The following RNF138 variants were observed in gnomAD, a reference collection of about 807,000 sequenced individuals.
RNF138 encodes E3 ubiquitin-protein ligase RNF138.
In RNF138, 12 loss-of-function variants were observed where a neutral mutation model predicts 31.0. The ratio of observed to expected loss-of-function variants is 0.39; its 90% CI spans 0.25 to 0.63. The LOEUF is 0.63. RNF138 is among the 20% of genes least tolerant of loss of function. The pLI is 0.52. For synonymous variants in RNF138, 105 were observed against 99.5 expected, an observed-to-expected ratio of 1.06 and a Z score of -0.33; for missense variants, 192 against 300.1, an observed-to-expected ratio of 0.64 and a Z score of 2.66.
At chr18:32,120,337 T>C (rs2144271321) in intron 4 of RNF138, among the ~76,000 whole-genome samples, 1 of 152,282 alleles carries the variant, frequency 6.6e-6, no homozygotes, top group Non-Finnish European at 1.5e-5. Flanking sequence ...TATTCTGATA[T>C]CTGGAGTCTA....
chr18:32,123,652 C>A (rs2040340511), intron 5 of RNF138, 78 bp downstream of exon 5: 37 of 637,194 alleles, frequency 5.8e-5, no homozygotes, highest in Non-Finnish European at 8.1e-5. Context: ...TTAAATTAAA[C>A]TTTTTTTTTT....
chr18:32,110,823 C>T (rs1193867786), intron 2 of RNF138, among the ~76,000 whole-genome samples: 2 of 151,966 alleles, frequency 1.3e-5, no homozygotes, highest in Middle Eastern at 6.8e-3. Flanking sequence ...CTCTGTCGCC[C>T]AGGCTGGAGT....
intron 2 of RNF138, among the ~76,000 whole-genome samples, chr18:32,106,366 C>A (rs1206738733): frequency 6.6e-6 from 1 of 151,982 alleles, no homozygotes; most frequent in Non-Finnish European, 1.5e-5. Context: ...GATTTAATAT[C>A]CAGAAGATGC....
intron 2 of RNF138, among the ~76,000 whole-genome samples, chr18:32,101,556 T>C (rs1216821501): frequency 1.3e-5 from 2 of 152,108 alleles, no homozygotes; most frequent in East Asian, 3.8e-4. Context: ...AAGGAACTTA[T>C]TAAGAAAAAT....
intron 4 of RNF138, among the ~76,000 whole-genome samples, chr18:32,115,284 T>C (rs2040196364): frequency 1.3e-5 from 2 of 152,304 alleles, no homozygotes; most frequent in African/African-American, 4.8e-5. Context: ...GACACTTGAT[T>C]CCTAATAGCA....
chr18:32,105,334 A>C (rs1483772550), intron 2 of RNF138, among the ~76,000 whole-genome samples: 1 of 151,980 alleles, frequency 6.6e-6, no homozygotes, highest in African/African-American at 2.4e-5. Flanking sequence ...CAATTGATCC[A>C]CCCACCTCGG....
At chr18:32,100,704 A>G (rs1427846873) in intron 2 of RNF138, among the ~76,000 whole-genome samples, 1 of 151,938 alleles carries the variant, frequency 6.6e-6, no homozygotes, top group Non-Finnish European at 1.5e-5. Context: ...TCGAACTCCC[A>G]ACCTCAGGTG....
chr18:32,096,714 G>A (rs1392262240), intron 2 of RNF138, among the ~76,000 whole-genome samples: 1 of 152,146 alleles, frequency 6.6e-6, no homozygotes, highest in Admixed American at 6.6e-5. Flanking sequence ...CCTTAGAGTG[G>A]TCAGATGTAA....
chr18:32,130,222 T>TATCA lies in RNF138; in HGVS notation c.*1036_*1039dup, dbSNP rs374136278. On this transcript the variant is annotated 3_prime_UTR_variant, in exon 8 of 8. Transcript: ENST00000261593. ...TATCTGATTTGTTTAAAATTTTGTA[T>TATCA]ATCACCAAATTTTTAAAAAGTGATA... The TATCA allele has an allele frequency of 7.2e-3, 1,098 of 152,538 alleles. 17 individuals are homozygous for TATCA. Among genetic ancestry groups the TATCA allele is most frequent in the African/African-American group, 0.025 (1,050 of 41,550 alleles). The allele number at this position is 152,538 out of a possible 1,614,324, so 9.4% of individuals were successfully genotyped here.
At chr18:32,092,444 A>T (rs1366559561) in intron 1 of RNF138, among the ~76,000 whole-genome samples, 3 of 148,474 alleles carry the variant, frequency 2.0e-5, no homozygotes, top group Non-Finnish European at 4.5e-5. Context: ...CGTGGCCTAG[A>T]GCGTGAGGCC....
Position 32,106,524 on chromosome 18 carries a change from G to T in RNF138, c.111-5230G>T, listed in dbSNP as rs35089739. 4.6e-3 allele frequency among the ~76,000 whole-genome samples: 694 copies of T among 151,686 alleles called. 4 individuals carry two copies. The highest frequency in any genetic ancestry group is 7.0e-3 in the Admixed American group (107 of 15,236). On this transcript the variant is annotated intron_variant, in intron 2 of 7. Transcript: ENST00000261593. ...ACTTCCTCTCTGGAAGATACTAGAAGTTGAAAAATTATTTTTTATTTTATT... is the reference window on the plus strand; with the variant it reads ...ACTTCCTCTCTGGAAGATACTAGAATTTGAAAAATTATTTTTTATTTTATT...
At chr18:32,097,099 G>T (rs1353889085) in intron 2 of RNF138, among the ~76,000 whole-genome samples, 1 of 152,214 alleles carries the variant, frequency 6.6e-6, no homozygotes, top group Admixed American at 6.5e-5. Flanking sequence ...TCAAAGCAAG[G>T]CTTCAGAAGA....
intron 2 of RNF138, among the ~76,000 whole-genome samples, chr18:32,098,878 T>A (rs981548516): frequency 2.6e-5 from 4 of 151,518 alleles, no homozygotes; most frequent in African/African-American, 9.7e-5. Flanking sequence ...AAGATTTACT[T>A]AATTTTAAAT....
At chr18:32,111,055 C>T (rs943299291) in intron 2 of RNF138, among the ~76,000 whole-genome samples, 1 of 152,244 alleles carries the variant, frequency 6.6e-6, no homozygotes, top group African/African-American at 2.4e-5. Flanking sequence ...GCTGGGATTA[C>T]AGGCGTGAGC....
chr18:32,106,714 G>T (rs1458696182), intron 2 of RNF138, among the ~76,000 whole-genome samples: 1 of 151,776 alleles, frequency 6.6e-6, no homozygotes, highest in Non-Finnish European at 1.5e-5. Context: ...ACAGGCGCCC[G>T]TCACCATGCC....
At chr18:32,093,489 T>A (rs2039747178) in intron 2 of RNF138, among the ~76,000 whole-genome samples, 1 of 152,188 alleles carries the variant, frequency 6.6e-6, no homozygotes, top group East Asian at 1.9e-4. Context: ...GTCCACTATG[T>A]GTTAGAGGGA....
rs770213176 is a variant in RNF138 at position 32,126,585 on chromosome 18, C to CA, written c.562-107dup. ...GAACTTGGCCTTTAAAAATGCTTCT[C>CA]ACGTAGATATTTTTGGTAACATATC... On this transcript the variant is annotated intron_variant, in intron 6 of 7. Coordinates refer to ENST00000261593, the MANE Select transcript of RNF138 (RefSeq NM_016271.5). 30 of 622,438 alleles carry CA rather than the reference C, an allele frequency of 4.8e-5. No homozygotes were observed. The South Asian group carries it at 7.3e-4, about 15-fold the overall frequency. 38.6% of individuals were successfully genotyped at this position (622,438 alleles called of 1,614,324 possible). A position where few individuals can be genotyped will look rare whatever the true frequency, so the allele number is the denominator to read the frequency against.
intron 6 of RNF138, among the ~76,000 whole-genome samples, chr18:32,126,082 T>TAA (rs1186780461): frequency 6.6e-6 from 1 of 152,196 alleles, no homozygotes; most frequent in African/African-American, 2.4e-5. Flanking sequence ...ATTCAGTTTT[T>TAA]AAGATGTACT....
intron 2 of RNF138, among the ~76,000 whole-genome samples, chr18:32,097,768 C>T (rs1383910885): frequency 6.6e-6 from 1 of 151,722 alleles, no homozygotes; most frequent in East Asian, 1.9e-4. Context: ...AGTGATCTGC[C>T]CGCCTTGGCC....
Sources: gnomAD v4.1 joint callset for allele counts (sites outside exome capture counted in the v4.1 genomes callset) on GRCh38, gnomAD v4.1.1 for gene constraint, MANE v1.5 for transcripts, NCBI Gene and HGNC (gene_info 2026-07-23, HGNC 2026-07-21) for gene names.